Variants in ABCC9 observed in about 807,000 individuals in gnomAD.
The protein encoded by ABCC9 is ATP-binding cassette sub-family C member 9.
A neutral mutation model predicts 188.3 loss-of-function variants in ABCC9; 95 were observed. The observed-to-expected ratio is 0.50, with a 90% CI of 0.43 to 0.60. The LOEUF is 0.60. ABCC9 is among the 20% of genes least tolerant of loss of function. The pLI, the probability that ABCC9 is intolerant of heterozygous loss-of-function variation, is 0.00. For missense variants in ABCC9, 1,102 were observed against 1,876.3 expected, an observed-to-expected ratio of 0.59 and a Z score of 7.62; for synonymous variants, 659 against 652.7, an observed-to-expected ratio of 1.01 and a Z score of -0.15.
intron 19 of ABCC9, among the ~76,000 whole-genome samples, chr12:21,863,965 A>G (rs1186567948): frequency 1.3e-5 from 2 of 152,106 alleles, no homozygotes; most frequent in Non-Finnish European, 2.9e-5. Context: ...TATGCAGAGT[A>G]AAACAATGGT....
intron 5 of ABCC9, among the ~76,000 whole-genome samples, chr12:21,921,619 G>C (rs1948822854): frequency 6.6e-6 from 1 of 151,968 alleles, no homozygotes; most frequent in Non-Finnish European, 1.5e-5. Context: ...GCCTGTGCTT[G>C]AGGGGTGTTG....
chr12:21,882,676 G>T, intron 16 of ABCC9, 90 bp downstream of exon 16: 1 of 1,159,978 alleles, frequency 8.6e-7, no homozygotes, highest in Non-Finnish European at 1.3e-6. Context: ...CAATTTAAAG[G>T]CACAATTTGG....
intron 21 of ABCC9, 139 bp downstream of exon 21, chr12:21,860,832 G>C (rs980603191): frequency 1.5e-6 from 1 of 688,928 alleles, no homozygotes; most frequent in African/African-American, 1.8e-5. Context: ...TCCCATCCTT[G>C]GTTTTCTGGA....
chr12:21,846,006 AAAAT>A (rs1565732235), intron 25 of ABCC9, among the ~76,000 whole-genome samples, 174 bp from the exon 26 acceptor site: 1 of 152,208 alleles, frequency 6.6e-6, no homozygotes, highest in African/African-American at 2.4e-5. Flanking sequence ...AAATAGGTGA[AAAAT>A]GAATGAATGA....
In ABCC9 at chr12:21,811,797, G is replaced by A. The variant is rs1283824; in HGVS notation, c.4211+252C>T. ...TTAGAAATGTCTGCCAAGCATCACC[G>A]TTCTCAAGTATAGTGGAAAAAGTGG... On this transcript the variant is annotated intron_variant, in intron 36 of 39. Coordinates refer to ENST00000261200, the MANE Select transcript of ABCC9 (RefSeq NM_020297.4). 3.9e-3 allele frequency among the ~76,000 whole-genome samples: 593 copies of A among 152,222 alleles called. 7 individuals are homozygous for A. The highest frequency in any genetic ancestry group is 0.013 in the African/African-American group (541 of 41,546).
chr12:21,916,887 T>C, intron 6 of ABCC9, 50 bp downstream of exon 6: 5 of 1,526,546 alleles, frequency 3.3e-6, no homozygotes, highest in Non-Finnish European at 4.4e-6. Flanking sequence ...TAATCTTTCA[T>C]ATTGGGGTCT....
At position 21,812,102 on chromosome 12, in the gene ABCC9, ACGTAGT is replaced by A; in HGVS notation, c.4152_4157del (p.Leu1385_Arg1386del). 1 of 1,613,508 alleles carries A rather than the reference ACGTAGT, an allele frequency of 6.2e-7. No individual in the cohort carries two copies. ...CCTGCAGAATGATTGAAAGTCTAGAACGTAGTGTGTGCAGTGGTAATTTGGAAATGT... is the reference window on the plus strand; with the variant it reads ...CCTGCAGAATGATTGAAAGTCTAGAAGTGTGCAGTGGTAATTTGGAAATGT... On this transcript the variant is annotated inframe_deletion, in exon 36 of 40. Transcript: ENST00000261200.
intron 12 of ABCC9, 74 bp from the exon 13 acceptor site, chr12:21,895,389 T>C (rs570016298): frequency 3.1e-6 from 4 of 1,292,266 alleles, no homozygotes; most frequent in South Asian, 2.4e-5. Flanking sequence ...TCATCTATTA[T>C]TGCTTTAACT....
chr12:21,880,154 C>G (rs922605708), intron 16 of ABCC9, among the ~76,000 whole-genome samples: 3 of 151,682 alleles, frequency 2.0e-5, no homozygotes, highest in Admixed American at 1.3e-4. Flanking sequence ...AAATGTACTA[C>G]TGCTACATTT....
intron 4 of ABCC9, among the ~76,000 whole-genome samples, chr12:21,926,803 G>A (rs975063108): frequency 6.6e-6 from 1 of 152,202 alleles, no homozygotes; most frequent in African/African-American, 2.4e-5. Flanking sequence ...ATGACTGCAA[G>A]GAGAATAGAC....
At chr12:21,841,759 C>T (rs899774960) in intron 29 of ABCC9, among the ~76,000 whole-genome samples, 2 of 152,132 alleles carry the variant, frequency 1.3e-5, no homozygotes, top group Middle Eastern at 3.2e-3. Flanking sequence ...GATCAATCCA[C>T]ATGTTAATAT....
intron 31 of ABCC9, among the ~76,000 whole-genome samples, chr12:21,821,311 T>G (rs754559583): frequency 6.6e-6 from 1 of 152,224 alleles, no homozygotes; most frequent in Non-Finnish European, 1.5e-5. Context: ...TGACTGTCTC[T>G]TAAAAAGCTT....
chr12:21,874,797 C>A (rs555541921), intron 17 of ABCC9, among the ~76,000 whole-genome samples: 12 of 152,236 alleles, frequency 7.9e-5, no homozygotes, highest in African/African-American at 2.9e-4. Context: ...TAGGAGGTAT[C>A]TAAAATTTTG....
intron 34 of ABCC9, among the ~76,000 whole-genome samples, chr12:21,815,272 G>GT (rs1183490375): frequency 7.1e-6 from 1 of 140,168 alleles, no homozygotes; most frequent in Non-Finnish European, 1.6e-5. Flanking sequence ...TGATTGCCTT[G>GT]TTTTTTCTTC....
intron 13 of ABCC9, among the ~76,000 whole-genome samples, chr12:21,894,783 T>C (rs983773767): frequency 5.3e-5 from 8 of 152,152 alleles, no homozygotes; most frequent in Non-Finnish European, 1.2e-4. Context: ...GCTAATTACA[T>C]TTCTACAAAT....
intron 5 of ABCC9, among the ~76,000 whole-genome samples, chr12:21,917,313 G>A (rs933805145): frequency 6.6e-6 from 1 of 152,074 alleles, no homozygotes; most frequent in Non-Finnish European, 1.5e-5. Flanking sequence ...TGTTGAGTGC[G>A]TCCATCCTGA....
At chr12:21,888,301 GA>G (rs1294403694) in intron 14 of ABCC9, among the ~76,000 whole-genome samples, 1 of 152,072 alleles carries the variant, frequency 6.6e-6, no homozygotes, top group Non-Finnish European at 1.5e-5. Flanking sequence ...CACTAATGAG[GA>G]AAGTCCTCTT....
intron 7 of ABCC9, among the ~76,000 whole-genome samples, chr12:21,914,438 T>C (rs995942932): frequency 6.6e-6 from 1 of 152,182 alleles, no homozygotes; most frequent in Non-Finnish European, 1.5e-5. Flanking sequence ...GACAGCCATA[T>C]AGGATGATAC....
rs193922684 is a variant in ABCC9, at chr12:21,913,072, G to GA, written c.817-7dup. 0.011 allele frequency: 13,098 copies of GA among 1,201,468 alleles called. No homozygotes were observed. The highest frequency in any genetic ancestry group is 0.015 in the South Asian group (826 of 54,366). 74.4% of individuals were successfully genotyped at this position (1,201,468 alleles called of 1,614,324 possible). A position where few individuals can be genotyped will look rare whatever the true frequency, so the allele number is the denominator to read the frequency against. ...GGATGATCTGCAACTTTTTTCTGAA[G>GA]AAAAAAAAAAGAAAAAAAAAACAGA... On this transcript the variant is annotated splice_region_variant and splice_polypyrimidine_tract_variant and intron_variant, in intron 7 of 39. Coordinates refer to ENST00000261200, the MANE Select transcript of ABCC9 (RefSeq NM_020297.4).
Sources: gnomAD v4.1 joint callset for allele counts (sites outside exome capture counted in the v4.1 genomes callset) on GRCh38, gnomAD v4.1.1 for gene constraint, MANE v1.5 for transcripts, NCBI Gene and HGNC (gene_info 2026-07-23, HGNC 2026-07-21) for gene names.